The following GRXCR1 variants were observed in gnomAD, a reference collection of about 807,000 sequenced individuals.
The protein encoded by GRXCR1 is glutaredoxin and cysteine rich domain containing 1.
Under a neutral mutation model 27.3 loss-of-function variants are expected in GRXCR1, and 27 were observed. The observed-to-expected ratio is 0.99, with a 90% CI of 0.73 to 1.37. GRXCR1 has a LOEUF of 1.37. GRXCR1 is among the 40% of genes most tolerant of loss of function. The probability of loss-of-function intolerance (pLI) is 0.00; values close to 1 mark genes in which losing one functional copy is unlikely to be tolerated. For missense variants in GRXCR1, 379 were observed against 354.4 expected (o/e 1.07, Z -0.56); for synonymous variants, 122 against 131.1 (o/e 0.93, Z 0.47).
intron 2 of GRXCR1, among the ~76,000 whole-genome samples, chr4:42,980,982 G>A (rs1006526041): frequency 2.0e-5 from 3 of 150,292 alleles, no homozygotes; most frequent in Admixed American, 6.6e-5. Flanking sequence ...TATCCATTCA[G>A]CTACTGTATC....
intron 1 of GRXCR1, among the ~76,000 whole-genome samples, chr4:42,952,131 T>C (rs544859618): frequency 6.6e-6 from 1 of 152,320 alleles, no homozygotes; most frequent in African/African-American, 2.4e-5. Context: ...TGTATGCTTA[T>C]ATATGCTTGA....
chr4:42,907,373 A>G (rs996527827), intron 1 of GRXCR1, among the ~76,000 whole-genome samples: 2 of 152,214 alleles, frequency 1.3e-5, no homozygotes, highest in African/African-American at 4.8e-5. Flanking sequence ...TGGGAGAGTT[A>G]GTGGGATAAA....
In GRXCR1 at chr4:43,008,008, T is replaced by G. The variant is rs529473476; in HGVS notation, c.628-12346T>G. 1.4e-4 allele frequency among the ~76,000 whole-genome samples: 21 copies of G among 152,334 alleles called. 1 individual carries two copies. In the South Asian group the frequency reaches 3.3e-3, roughly 24 times the overall value. ...TTCTGTGACTCTGGTTATAATACATTATTCACTAACATCTTTTTCCTAGTT... is the reference window on the plus strand; with the variant it reads ...TTCTGTGACTCTGGTTATAATACATGATTCACTAACATCTTTTTCCTAGTT... On this transcript the variant is annotated intron_variant, in intron 2 of 3. Transcript: ENST00000399770.
At chr4:42,904,231 T>C (rs376774491) in intron 1 of GRXCR1, among the ~76,000 whole-genome samples, 151 of 152,292 alleles carry the variant, frequency 9.9e-4, no homozygotes, top group African/African-American at 3.4e-3. Context: ...CTGCAGGCAG[T>C]GCCCAAAGCC....
chr4:42,962,706 A>G (rs559696198), intron 1 of GRXCR1, among the ~76,000 whole-genome samples, 186 bp from the exon 2 acceptor site: 37 of 152,134 alleles, frequency 2.4e-4, no homozygotes, highest in Non-Finnish European at 4.3e-4. Context: ...TATGTAATAT[A>G]TTATATTGAT....
chr4:42,925,482 T>C (rs1747139008), intron 1 of GRXCR1, among the ~76,000 whole-genome samples: 1 of 152,090 alleles, frequency 6.6e-6, no homozygotes, highest in African/African-American at 2.4e-5. Flanking sequence ...GCAGCCCAGT[T>C]AACCAAATTT....
intron 2 of GRXCR1, among the ~76,000 whole-genome samples, chr4:42,976,211 G>A (rs556242690): frequency 1.3e-5 from 2 of 152,076 alleles, no homozygotes; most frequent in Admixed American, 1.3e-4. Context: ...GTATAAAGCG[G>A]TTCTGTTTAT....
At chr4:42,986,267 T>A (rs1427199189) in intron 2 of GRXCR1, among the ~76,000 whole-genome samples, 1 of 152,206 alleles carries the variant, frequency 6.6e-6, no homozygotes, top group Non-Finnish European at 1.5e-5. Context: ...ATGAATGAAA[T>A]GAAGCAAACC....
intron 1 of GRXCR1, among the ~76,000 whole-genome samples, chr4:42,918,808 T>G (rs1274094008): frequency 6.6e-6 from 1 of 152,056 alleles, no homozygotes; most frequent in African/African-American, 2.4e-5. Flanking sequence ...ACAGGATAAA[T>G]TCACTCTATC....
intron 1 of GRXCR1, among the ~76,000 whole-genome samples, chr4:42,946,980 C>A (rs1747758123): frequency 6.6e-6 from 1 of 152,080 alleles, no homozygotes; most frequent in South Asian, 2.1e-4. Context: ...GGGCAGCGCA[C>A]AACCCACCGA....
At chr4:42,945,561 C>G (rs1747723861) in intron 1 of GRXCR1, among the ~76,000 whole-genome samples, 1 of 152,070 alleles carries the variant, frequency 6.6e-6, no homozygotes, top group Admixed American at 6.6e-5. Flanking sequence ...TTTCTCCCTC[C>G]CAGTTCTGGC....
At chr4:42,912,853 G>A (rs1171140405) in intron 1 of GRXCR1, among the ~76,000 whole-genome samples, 1 of 152,030 alleles carries the variant, frequency 6.6e-6, no homozygotes, top group Non-Finnish European at 1.5e-5. Context: ...GTCAAGGGTG[G>A]GACACATGTA....
rs116817773 is a variant in GRXCR1 at position 42,947,395 on chromosome 4, C to T, written c.385-15497C>T. On this transcript the variant is annotated intron_variant, in intron 1 of 3. Coordinates refer to ENST00000399770, the MANE Select transcript of GRXCR1 (RefSeq NM_001080476.3). Reference sequence around the variant, plus strand: ...TGACCTTAAGCAAGTTAGAAATCTCCCTGTAGTTCATTTTCCTTGTCAATG... The same window carrying T: ...TGACCTTAAGCAAGTTAGAAATCTCTCTGTAGTTCATTTTCCTTGTCAATG... Among the ~76,000 whole-genome samples, 588 of 152,094 alleles carry T rather than the reference C, an allele frequency of 3.9e-3. 4 individuals are homozygous for T. The highest frequency in any genetic ancestry group is 0.013 in the African/African-American group (556 of 41,510).
intron 2 of GRXCR1, among the ~76,000 whole-genome samples, chr4:42,973,881 A>T (rs915717240): frequency 6.6e-6 from 1 of 152,174 alleles, no homozygotes; most frequent in African/African-American, 2.4e-5. Flanking sequence ...CTAGAACATG[A>T]TGCACACTCA....
At chr4:43,023,117 A>G (rs1713144429) in intron 3 of GRXCR1, among the ~76,000 whole-genome samples, 1 of 152,200 alleles carries the variant, frequency 6.6e-6, no homozygotes, top group Non-Finnish European at 1.5e-5. Flanking sequence ...AAATCTGACT[A>G]TACTGTGGCA....
At chr4:43,015,862 G>C (rs1712915690) in intron 2 of GRXCR1, among the ~76,000 whole-genome samples, 1 of 151,704 alleles carries the variant, frequency 6.6e-6, no homozygotes, top group Admixed American at 6.6e-5. Flanking sequence ...TGGTTAATGT[G>C]AACTTTATTT....
intron 3 of GRXCR1, among the ~76,000 whole-genome samples, chr4:43,028,493 C>G (rs906343521): frequency 1.3e-5 from 2 of 152,150 alleles, no homozygotes; most frequent in Non-Finnish European, 2.9e-5. Context: ...ACTGTAGGAC[C>G]TTGGCCAGCC....
intron 1 of GRXCR1, among the ~76,000 whole-genome samples, chr4:42,956,039 T>C (rs769732437): frequency 1.3e-5 from 2 of 152,114 alleles, no homozygotes; most frequent in Non-Finnish European, 2.9e-5. Context: ...GTACTCATTG[T>C]TGTGCTGTGG....
chr4:42,919,509 G>A (rs977031856), intron 1 of GRXCR1, among the ~76,000 whole-genome samples: 1 of 152,066 alleles, frequency 6.6e-6, no homozygotes, highest in East Asian at 1.9e-4. Context: ...TTCCTTTCCA[G>A]GATAAATCTG....
Sources: allele counts gnomAD v4.1 joint callset (sites outside exome capture counted in the v4.1 genomes callset), GRCh38; gene constraint gnomAD v4.1.1; transcripts MANE v1.5; gene names NCBI Gene and HGNC (gene_info 2026-07-23, HGNC 2026-07-21).